AMOTL1: variants seen among roughly 807,000 people sequenced by gnomAD.
AMOTL1 encodes the protein angiomotin-like protein 1.
In AMOTL1, 45 loss-of-function variants were observed where a neutral mutation model predicts 102.9. The observed-to-expected ratio is 0.44, with a 90% CI of 0.34 to 0.56. The LOEUF is 0.56. Among genes scored for constraint, AMOTL1 ranks in the 20% least tolerant of loss-of-function variants. AMOTL1 has a pLI of 0.01. For synonymous variants in AMOTL1, 481 were observed against 484.7 expected (o/e 0.99, Z 0.10); for missense variants, 1,114 against 1,225.6 (o/e 0.91, Z 1.36).
intron 2 of AMOTL1, among the ~76,000 whole-genome samples, chr11:94,732,748 C>T (rs1189830836): frequency 6.6e-6 from 1 of 152,206 alleles, no homozygotes; most frequent in Non-Finnish European, 1.5e-5. Flanking sequence ...GGGAATCCTG[C>T]TGTCTGTCAT....
chr11:94,757,867 G>A (rs1897206), intron 3 of AMOTL1, among the ~76,000 whole-genome samples: 14,707 of 152,178 alleles, frequency 0.097, 1,442 homozygotes, highest in East Asian at 0.28. Context: ...TTCAAGACCA[G>A]CCTGACCAAC....
intron 1 of AMOTL1, among the ~76,000 whole-genome samples, chr11:94,769,709 C>A (rs897040262): frequency 6.6e-6 from 1 of 152,116 alleles, no homozygotes; most frequent in African/African-American, 2.4e-5. Context: ...GGGCCCTGAG[C>A]GTGCGGCCTC....
intron 3 of AMOTL1, among the ~76,000 whole-genome samples, chr11:94,805,209 A>G (rs1475275410): frequency 2.0e-5 from 3 of 152,186 alleles, no homozygotes; most frequent in African/African-American, 7.2e-5. Flanking sequence ...ATCACATGTG[A>G]TGTCCAGCCT....
At chr11:94,835,435 C>T (rs150053452) in intron 6 of AMOTL1, among the ~76,000 whole-genome samples, 16 of 152,330 alleles carry the variant, frequency 1.1e-4, no homozygotes, top group Admixed American at 9.1e-4. Flanking sequence ...TTCTCAGTCA[C>T]GGAAACTTTT....
chr11:94,747,525 ACTT>A (rs1950603813), intron 3 of AMOTL1, among the ~76,000 whole-genome samples: 1 of 152,170 alleles, frequency 6.6e-6, no homozygotes, highest in Admixed American at 6.5e-5. Flanking sequence ...CATTTGTATA[ACTT>A]CTTTAAAATA....
chr11:94,813,158 G>A (rs1043332407), intron 3 of AMOTL1, among the ~76,000 whole-genome samples: 3 of 152,144 alleles, frequency 2.0e-5, no homozygotes, highest in Admixed American at 6.5e-5. Flanking sequence ...TCATAGCCAG[G>A]TTTCCTCTGA....
chr11:94,782,020 C>T (rs1439577101), intron 1 of AMOTL1, among the ~76,000 whole-genome samples: 1 of 152,078 alleles, frequency 6.6e-6, no homozygotes, highest in East Asian at 1.9e-4. Flanking sequence ...AAATCTCAAA[C>T]CTTGAGTATG....
In AMOTL1 at chr11:94,721,954, A is replaced by C. The variant is rs546520560; in HGVS notation, c.-50-6967A>C. On this transcript the variant is annotated intron_variant, in intron 1 of 4. Transcript: ENST00000299004. ...TGTCAATATCCTATTCTTGGCTCATAATCAGAGAGCTGTGGCCATTTATCT... is the reference window on the plus strand; with the variant it reads ...TGTCAATATCCTATTCTTGGCTCATCATCAGAGAGCTGTGGCCATTTATCT... Among the ~76,000 whole-genome samples, 6 of 152,208 alleles carry C rather than the reference A, an allele frequency of 3.9e-5. No individual in the cohort carries two copies. In the East Asian group the frequency reaches 1.2e-3, roughly 30 times the overall value.
At chr11:94,769,404 C>G (rs1591946802) in intron 1 of AMOTL1, among the ~76,000 whole-genome samples, 2 of 152,156 alleles carry the variant, frequency 1.3e-5, no homozygotes, top group South Asian at 2.1e-4. Flanking sequence ...GCAGAGCAGA[C>G]GAGCCCTGGC....
chr11:94,732,738 G>A (rs1448312720), intron 2 of AMOTL1, among the ~76,000 whole-genome samples: 1 of 152,172 alleles, frequency 6.6e-6, no homozygotes, highest in Admixed American at 6.5e-5. Flanking sequence ...TCAGCTGTTT[G>A]GGAATCCTGC....
chr11:94,755,697 C>T (rs1950714846), intron 3 of AMOTL1, among the ~76,000 whole-genome samples: 1 of 152,130 alleles, frequency 6.6e-6, no homozygotes, highest in Non-Finnish European at 1.5e-5. Flanking sequence ...TGCTCAAACT[C>T]CTAGAGGCCG....
chr11:94,713,069 C>T (rs1191554867), intron 1 of AMOTL1, among the ~76,000 whole-genome samples: 1 of 149,710 alleles, frequency 6.7e-6, no homozygotes, highest in Non-Finnish European at 1.5e-5. Flanking sequence ...TTGTTTTTTG[C>T]CTCTGTATGT....
At chr11:94,729,388 T>TTGAGCACCTAAC (rs1320991402) in intron 2 of AMOTL1, among the ~76,000 whole-genome samples, 1 of 152,184 alleles carries the variant, frequency 6.6e-6, no homozygotes, top group Non-Finnish European at 1.5e-5. Context: ...TCAGACATCT[T>TTGAGCACCTAAC]TGAGCACCTA....
chr11:94,709,744 C>A (rs1297329072), intron 1 of AMOTL1, among the ~76,000 whole-genome samples: 1 of 152,120 alleles, frequency 6.6e-6, no homozygotes, highest in African/African-American at 2.4e-5. Flanking sequence ...GCCCACTCAG[C>A]CCATAGAACA....
chr11:94,764,265 C>T (rs1025953441), upstream of AMOTL1, among the ~76,000 whole-genome samples: 4 of 152,134 alleles, frequency 2.6e-5, no homozygotes, highest in Non-Finnish European at 2.9e-5. Context: ...ACTGACTAAC[C>T]CCAGTGAGCC....
chr11:94,865,827 C>A, intron 10 of AMOTL1, 115 bp from the exon 11 acceptor site: 1 of 872,658 alleles, frequency 1.1e-6, no homozygotes. Flanking sequence ...TCGTACTGTG[C>A]TTCATCCTGT....
At chr11:94,758,761 T>C (rs1340383799) in intron 3 of AMOTL1, among the ~76,000 whole-genome samples, 1 of 152,210 alleles carries the variant, frequency 6.6e-6, no homozygotes, top group Non-Finnish European at 1.5e-5. Context: ...ATTTTTGGGA[T>C]ATAATTTGAA....
intron 6 of AMOTL1, among the ~76,000 whole-genome samples, chr11:94,833,099 T>C (rs1197489172): frequency 1.6e-4 from 24 of 152,226 alleles, no homozygotes; most frequent in Admixed American, 1.5e-3. Context: ...AGGAATTATT[T>C]GTTCTGTGCA....
At chr11:94,857,075 C>T (rs1024752143) in intron 8 of AMOTL1, among the ~76,000 whole-genome samples, 5 of 152,156 alleles carry the variant, frequency 3.3e-5, no homozygotes, top group Non-Finnish European at 5.9e-5. Flanking sequence ...AAACCAGCCA[C>T]GGTTGAATCC....
Sources: gnomAD v4.1 joint callset for allele counts (sites outside exome capture counted in the v4.1 genomes callset) on GRCh38, gnomAD v4.1.1 for gene constraint, MANE v1.5 for transcripts, NCBI Gene and HGNC (gene_info 2026-07-23, HGNC 2026-07-21) for gene names.